PRC1: variants seen among roughly 807,000 people sequenced by gnomAD.
The protein encoded by PRC1 is protein regulator of cytokinesis 1, also known as anaphase spindle elongation 1 homolog.
In PRC1, 54 loss-of-function variants were observed where a neutral mutation model predicts 91.2. That is an observed-to-expected ratio of 0.59 (90% CI 0.48 to 0.74). PRC1 has a LOEUF of 0.74. PRC1 is among the 30% of genes least tolerant of loss of function. The pLI is 0.00. For missense variants in PRC1, 727 were observed against 746.2 expected (o/e 0.97, Z 0.30); for synonymous variants, 275 against 263.6 (o/e 1.04, Z -0.42).
At chr15:90,972,026 T>A (rs1489124122) in intron 11 of PRC1, among the ~76,000 whole-genome samples, 1 of 149,500 alleles carries the variant, frequency 6.7e-6, no homozygotes, top group Non-Finnish European at 1.5e-5. Context: ...AGACTCCGTC[T>A]CAAAAAAACA....
In PRC1 at chr15:90,967,134, G is replaced by A. The variant is rs754911682; in HGVS notation, c.1860C>T (p.Ser620=). The change falls in exon 15 of 15, where the codon TCC becomes TCT. Residue 620 remains serine (S), a synonymous_variant. Coordinates refer to ENST00000394249, the MANE Select transcript of PRC1 (RefSeq NM_003981.4). The part of the protein sequence containing the change: ...SGILNSTNIQ[S] ...CTGGTTGACTGATCAGGGCTTCTCA[G>A]GACTGGATGTTGGTTGAATTGAGGA... 1.9e-6 allele frequency: 3 copies of A among 1,613,540 alleles called. No individual in the cohort carries two copies. The highest frequency in any genetic ancestry group is 3.3e-5 in the Admixed American group (2 of 60,028).
chr15:90,980,285 A>G lies in PRC1; in HGVS notation c.927T>C (p.Phe309=). 6.2e-7 allele frequency: 1 copy of G among 1,613,562 alleles called. No individual in the cohort carries two copies. Among genetic ancestry groups the G allele is most frequent in the Non-Finnish European group, 8.5e-7 (1 of 1,179,880 alleles). The change falls in exon 7 of 15, where the codon TTT becomes TTC. Residue 309 remains phenylalanine (F), a synonymous_variant. Coordinates refer to ENST00000394249, the MANE Select transcript of PRC1 (RefSeq NM_003981.4). ...AAGCTTGTCTCTGCTCCTGGCTATA[A>G]AAGCACTGGTCCCAGTACTGAACCA... ...VELVQYWDQC[F]YSQEQRQAFA...
chr15:90,974,518 A>G lies in PRC1; in HGVS notation c.1350+67T>C. ...TGTTCCACAAACCCTGGTCCCCGGC[A>G]GAGACTATGGGCTGCTCAGATTACT... On this transcript the variant is annotated intron_variant, in intron 10 of 14. Coordinates refer to ENST00000394249, the MANE Select transcript of PRC1 (RefSeq NM_003981.4). This position sits in a 1 kb window ranked among gnomAD's most constrained non-coding sequence, Gnocchi z 4.6. The G allele has an allele frequency of 1.3e-6, 2 of 1,595,848 alleles. No homozygotes were observed. Among genetic ancestry groups the G allele is most frequent in the East Asian group, 2.2e-5 (1 of 44,634 alleles).
chr15:90,976,907 G>C, intron 8 of PRC1, 136 bp from the exon 9 acceptor site: 1 of 620,892 alleles, frequency 1.6e-6, no homozygotes, highest in Non-Finnish European at 2.8e-6. Context: ...GAGGCGAGTG[G>C]ATCACCTGAG....
chr15:90,980,679 C>A (rs1232450773), intron 6 of PRC1, among the ~76,000 whole-genome samples: 2 of 152,038 alleles, frequency 1.3e-5, no homozygotes, highest in Admixed American at 6.6e-5. Context: ...GCCACTACCA[C>A]CTGGCTAGTA....
intron 1 of PRC1, chr15:90,987,820 A>T (rs998535989): frequency 1.3e-5 from 2 of 152,162 alleles, no homozygotes; most frequent in African/African-American, 4.8e-5. Flanking sequence ...GTGGTTCTAC[A>T]AGTCACCAGC....
In PRC1 at chr15:90,974,795, G is replaced by A; in HGVS notation, c.1204-64C>T. ...CTTTAGTGCAAAGCCCAAATGAAAT[G>A]ATTTCCCTAGAGAGTGACTCCTCCT... On this transcript the variant is annotated intron_variant, in intron 9 of 14. Transcript: ENST00000394249. This position sits in a 1 kb window ranked among gnomAD's most constrained non-coding sequence, Gnocchi z 4.6. 11 of 1,577,708 alleles carry A rather than the reference G, an allele frequency of 7.0e-6. No individual in the cohort carries two copies. Among genetic ancestry groups the A allele is most frequent in the Non-Finnish European group, 9.6e-6 (11 of 1,151,026 alleles).
Position 90,967,610 on chromosome 15 carries a change from G to A in PRC1, c.1792-408C>T, listed in dbSNP as rs561702290. The A allele has an allele frequency of 5.4e-5, 9 of 166,458 alleles. No homozygotes were observed. The East Asian group carries it at 1.5e-3, about 27-fold the overall frequency. The allele number at this position is 166,458 out of a possible 1,614,324, so 10.3% of individuals were successfully genotyped here. On this transcript the variant is annotated intron_variant, in intron 14 of 14. Transcript: ENST00000394249. The stretch of plus-strand genomic sequence containing the variant: ...AAATACTTACCATTGCGTTACAATT[G>A]CCTACAGTATCCCAGGAATAGCCTG...
intron 1 of PRC1, among the ~76,000 whole-genome samples, chr15:90,989,651 G>C (rs1220431873): frequency 6.6e-6 from 1 of 150,870 alleles, no homozygotes; most frequent in African/African-American, 2.4e-5. Flanking sequence ...GTTTATAGCA[G>C]CATTACTTAT....
intron 3 of PRC1, chr15:90,983,789 G>T: frequency 2.4e-6 from 1 of 408,640 alleles, no homozygotes; most frequent in Non-Finnish European, 4.2e-6. Flanking sequence ...GTAAGCAGCA[G>T]CTTCTTTTTG....
At chr15:90,986,490 GGT>G (rs1241579306) in intron 1 of PRC1, among the ~76,000 whole-genome samples, 12 of 152,224 alleles carry the variant, frequency 7.9e-5, no homozygotes, top group Non-Finnish European at 2.9e-5. Flanking sequence ...TGGGTGTGGT[GGT>G]GCGCCTGTAA....
chr15:90,979,279 C>T lies in PRC1; in HGVS notation c.986G>A (p.Ser329Asn). 6.2e-7 allele frequency: 1 copy of T among 1,614,050 alleles called. No homozygotes were observed. The highest frequency in any genetic ancestry group is 8.5e-7 in the Non-Finnish European group (1 of 1,179,966). ...CTCAGCATCGTGGAGCTGGAGCAGA[C>T]TTTCTGTGTAGTCCTCTGCAAAATA... ...APFCAEDYTE[S>N]LLQLHDAEIV... Residue 329 changes from serine to asparagine, a missense_variant, in exon 8 of 15, where the codon AGT becomes AAT. Transcript: ENST00000394249.
rs567990562 is a variant in PRC1, at chr15:90,966,793, C to T, written c.*338G>A. 120 of 436,220 alleles carry T rather than the reference C, an allele frequency of 2.8e-4. No individual in the cohort carries two copies. Among genetic ancestry groups the T allele is most frequent in the South Asian group, 2.4e-3 (119 of 50,232 alleles). 27.0% of individuals were successfully genotyped at this position (436,220 alleles called of 1,614,324 possible). A position where few individuals can be genotyped will look rare whatever the true frequency, so the allele number is the denominator to read the frequency against. On this transcript the variant is annotated 3_prime_UTR_variant, in exon 15 of 15. Coordinates refer to ENST00000394249, the MANE Select transcript of PRC1 (RefSeq NM_003981.4). ...AATTACCCCCAGGGATGGGCATAGT[C>T]AATCATTTTCCTACAGTGGTGAAAT...
At chr15:90,993,863 A>G (rs2040126416) in intron 1 of PRC1, among the ~76,000 whole-genome samples, 1 of 152,250 alleles carries the variant, frequency 6.6e-6, no homozygotes, top group Non-Finnish European at 1.5e-5. Flanking sequence ...TGGCAGGATT[A>G]CTTGAAGCCA....
At chr15:90,967,810 T>C (rs748775355) in intron 14 of PRC1, 155 of 978,220 alleles carry the variant, frequency 1.6e-4, no homozygotes, top group Non-Finnish European at 1.9e-4. Context: ...TCTCAGAACA[T>C]ATCCCTGTCA....
intron 1 of PRC1, among the ~76,000 whole-genome samples, chr15:90,990,940 G>A (rs370842311): frequency 1.3e-5 from 2 of 151,318 alleles, no homozygotes; most frequent in Admixed American, 6.6e-5. Context: ...CACCACGCCC[G>A]GCTAATTTTT....
intron 12 of PRC1, 141 bp from the exon 13 acceptor site, chr15:90,969,764 ATATATATATATAT>A: frequency 1.1e-4 from 1 of 9,474 alleles, no homozygotes; most frequent in East Asian, 1.6e-3. Context: ...AAAAAAAAAC[ATATATATATATAT>A]ATATATATAT....
At position 90,980,280 on chromosome 15, in the gene PRC1, C is replaced by T; in HGVS notation, c.932G>A (p.Ser311Asn). 1.2e-6 allele frequency: 2 copies of T among 1,613,484 alleles called. No homozygotes were observed. The highest frequency in any genetic ancestry group is 2.2e-5 in the East Asian group (1 of 44,878). The change falls in exon 7 of 15, where the codon AGC becomes AAC. Residue 311 changes from serine (S) to asparagine (N), a missense_variant. By Grantham distance (46) the Ser-to-Asn change is conservative. Coordinates refer to ENST00000394249, the MANE Select transcript of PRC1 (RefSeq NM_003981.4). ...LVQYWDQCFY[S>N]QEQRQAFAPF... is the part of the protein sequence containing the mutation. ...GGCAAAAGCTTGTCTCTGCTCCTGG[C>T]TATAAAAGCACTGGTCCCAGTACTG...
intron 1 of PRC1, among the ~76,000 whole-genome samples, chr15:90,989,168 AGAG>A (rs1482196992): frequency 1.6e-4 from 24 of 152,182 alleles, no homozygotes; most frequent in Non-Finnish European, 2.4e-4. Flanking sequence ...GTGAGAATCT[AGAG>A]GAACTAGAAC....
Sources: gnomAD v4.1 joint callset for allele counts (sites outside exome capture counted in the v4.1 genomes callset) on GRCh38, gnomAD v4.1.1 for gene constraint, Gnocchi (gnomAD v3.1) non-coding constraint, MANE v1.5 for transcripts, NCBI Gene and HGNC (gene_info 2026-07-23, HGNC 2026-07-21) for gene names.